Variants in ZNF536 observed in about 807,000 individuals in gnomAD.
ZNF536 encodes the protein zinc finger protein 536.
In ZNF536, 13 loss-of-function variants were observed where a neutral mutation model predicts 84.5. The ratio of observed to expected loss-of-function variants is 0.15; its 90% CI spans 0.10 to 0.24. The LOEUF (loss-of-function observed/expected upper bound fraction) is 0.24. Ranked by LOEUF, ZNF536 falls within the 10% of genes least tolerant of loss-of-function variation. The probability of loss-of-function intolerance (pLI) is 1.00; values close to 1 mark genes in which losing one functional copy is unlikely to be tolerated. For synonymous variants in ZNF536, 811 were observed against 742.5 expected (o/e 1.09, Z -1.50); for missense variants, 1,536 against 1,747.5 (o/e 0.88, Z 2.16).
At chr19:30,667,023 G>A (rs1471411402) in intron 1 of ZNF536, among the ~76,000 whole-genome samples, 1 of 152,092 alleles carries the variant, frequency 6.6e-6, no homozygotes, top group Admixed American at 6.5e-5. Context: ...TGGGGCAGCT[G>A]TTCTCAGGCC....
chr19:30,312,315 G>T (rs572036232), intron 2 of ZNF536, among the ~76,000 whole-genome samples: 2 of 152,190 alleles, frequency 1.3e-5, no homozygotes, highest in African/African-American at 4.8e-5. Context: ...GAAGGGAAGA[G>T]GGGGACGCGC....
chr19:30,487,035 C>G lies in ZNF536; in HGVS notation c.2170+41303C>G, dbSNP rs770116715. Among the ~76,000 whole-genome samples, 171 of 152,324 alleles carry G rather than the reference C, an allele frequency of 1.1e-3. 2 individuals are homozygous for G. The highest frequency in any genetic ancestry group is 0.01 in the Middle Eastern group (3 of 294). On this transcript the variant is annotated intron_variant, in intron 2 of 4. Transcript: ENST00000355537. ...AAATATTAAAAACTGAAACTCCTGC[C>G]TGCCAGGGATACAGGGAGCCAGGAC...
intron 1 of ZNF536, among the ~76,000 whole-genome samples, chr19:30,694,685 A>G (rs1568679305): frequency 6.7e-6 from 1 of 148,186 alleles, no homozygotes; most frequent in Non-Finnish European, 1.5e-5. Flanking sequence ...ATTTTTTTTT[A>G]AAGAAATAGT....
intron 1 of ZNF536, among the ~76,000 whole-genome samples, chr19:30,411,150 G>A (rs193141611): frequency 5.8e-4 from 89 of 152,220 alleles, no homozygotes; most frequent in African/African-American, 2.0e-3. Context: ...TCTATAATAT[G>A]GATACCTCCA....
chr19:30,656,455 C>CT (rs1334613187), intron 1 of ZNF536, among the ~76,000 whole-genome samples: 3 of 152,222 alleles, frequency 2.0e-5, no homozygotes, highest in African/African-American at 7.2e-5. Flanking sequence ...TGCACCATCT[C>CT]TACCCTGCTG....
intron 1 of ZNF536, among the ~76,000 whole-genome samples, chr19:30,614,942 A>ATTTTTTT (rs555419932): frequency 0.011 from 352 of 32,294 alleles, 72 homozygotes; most frequent in African/African-American, 0.019. Flanking sequence ...CCCCTTTTCA[A>ATTTTTTT]TTTTTTTTTT....
intron 2 of ZNF536, among the ~76,000 whole-genome samples, chr19:30,289,770 C>T (rs1465953162): frequency 2.0e-5 from 3 of 152,216 alleles, no homozygotes; most frequent in African/African-American, 7.2e-5. Context: ...TTACGTTGCT[C>T]TTATGCCTCT....
At position 30,263,033 on chromosome 19, in the gene ZNF536, G is replaced by A. The variant is rs147961523; in HGVS notation, c.-189-21039G>A. Reference sequence around the variant, plus strand: ...TCAGGGTGATAGAGAACTCCGCAGCGTGGACAGGCATGAGGGAGGATGTCC... The same window carrying A: ...TCAGGGTGATAGAGAACTCCGCAGCATGGACAGGCATGAGGGAGGATGTCC... On this transcript the variant is annotated intron_variant, in intron 1 of 5. Coordinates refer to the ZNF536 transcript ENST00000585628. Among the ~76,000 whole-genome samples the A allele has an allele frequency of 1.6e-4, 25 of 152,246 alleles. No individual in the cohort carries two copies. The East Asian group carries it at 2.9e-3, about 18-fold the overall frequency.
At chr19:30,701,338 AAC>A (rs761411519) in intron 1 of ZNF536, among the ~76,000 whole-genome samples, 71 of 143,564 alleles carry the variant, frequency 4.9e-4, no homozygotes, top group African/African-American at 1.8e-3. Context: ...CAAACACACC[AAC>A]ACACACACAG....
At chr19:30,360,737 G>A (rs897027272) in intron 3 of ZNF536, among the ~76,000 whole-genome samples, 6 of 152,216 alleles carry the variant, frequency 3.9e-5, no homozygotes, top group African/African-American at 1.4e-4. Context: ...GGCTAAGCCC[G>A]CCTTGCACTG....
At chr19:30,361,082 C>G (rs2048258911) in intron 3 of ZNF536, among the ~76,000 whole-genome samples, 1 of 152,216 alleles carries the variant, frequency 6.6e-6, no homozygotes, top group African/African-American at 2.4e-5. Flanking sequence ...CCTCCGTGAC[C>G]TGAAGTTACT....
rs185766449 is a variant in ZNF536 at position 30,468,228 on chromosome 19, A to G, written c.2170+22496A>G. Reference sequence around the variant, plus strand: ...AACAGAATCTCTGTCTCACTCCCCAACCCAGCCTAGGTTAATGCTGAGACC... The same window carrying G: ...AACAGAATCTCTGTCTCACTCCCCAGCCCAGCCTAGGTTAATGCTGAGACC... On this transcript the variant is annotated intron_variant, in intron 2 of 4. Transcript: ENST00000355537. 6.6e-5 allele frequency among the ~76,000 whole-genome samples: 10 copies of G among 152,226 alleles called. No homozygotes were observed. In the East Asian group the frequency reaches 1.9e-3, roughly 29 times the overall value.
intron 2 of ZNF536, among the ~76,000 whole-genome samples, chr19:30,285,262 A>G (rs376232638): frequency 3.3e-5 from 5 of 152,340 alleles, no homozygotes; most frequent in South Asian, 4.1e-4. Flanking sequence ...CCCCTTTAAC[A>G]TATTTAATGA....
At chr19:30,527,596 A>G (rs1235021595) in intron 2 of ZNF536, among the ~76,000 whole-genome samples, 1 of 152,120 alleles carries the variant, frequency 6.6e-6, no homozygotes, top group African/African-American at 2.4e-5. Context: ...CTCTGATGCA[A>G]CCACAGAGAC....
At chr19:30,568,946 C>T (rs1181247806) in intron 1 of ZNF536, among the ~76,000 whole-genome samples, 1 of 152,200 alleles carries the variant, frequency 6.6e-6, no homozygotes, top group Non-Finnish European at 1.5e-5. Context: ...TGGGCCCTCT[C>T]TGAGACAATC....
At chr19:30,301,278 T>C (rs1467126508) in intron 2 of ZNF536, among the ~76,000 whole-genome samples, 3 of 152,184 alleles carry the variant, frequency 2.0e-5, no homozygotes, top group Non-Finnish European at 4.4e-5. Context: ...CTTCACATGA[T>C]AATTTTATGT....
At chr19:30,468,893 T>A (rs1229828390) in intron 2 of ZNF536, among the ~76,000 whole-genome samples, 4 of 151,944 alleles carry the variant, frequency 2.6e-5, no homozygotes, top group Non-Finnish European at 5.9e-5. Context: ...AGTGTGCTCA[T>A]CCCATTCCCA....
chr19:30,413,205 G>A lies in ZNF536; in HGVS notation c.-2-30356G>A, dbSNP rs74523108. Among the ~76,000 whole-genome samples the A allele has an allele frequency of 2.9e-3, 441 of 151,884 alleles. 20 individuals carry two copies. In the East Asian group the frequency reaches 0.067, roughly 23 times the overall value. The stretch of plus-strand genomic sequence containing the variant: ...CCTTTTGGGGGAAAGGGTGTGGAGC[G>A]GTTCTATTTAATTAGTGTCTGCTCT... On this transcript the variant is annotated intron_variant, in intron 1 of 4. Transcript: ENST00000355537.
At chr19:30,657,883 T>A (rs1211222136) in intron 1 of ZNF536, among the ~76,000 whole-genome samples, 2 of 152,162 alleles carry the variant, frequency 1.3e-5, no homozygotes, top group Non-Finnish European at 2.9e-5. Context: ...GGGTGTCATC[T>A]CTTACCTGGA....
Sources: allele counts gnomAD v4.1 joint callset (sites outside exome capture counted in the v4.1 genomes callset), GRCh38; gene constraint gnomAD v4.1.1; transcripts MANE v1.5; gene names NCBI Gene and HGNC (gene_info 2026-07-23, HGNC 2026-07-21).